NPAT: variants seen among roughly 807,000 people sequenced by gnomAD.
NPAT encodes nuclear protein, coactivator of histone transcription, also known as protein NPAT.
NPAT carries 52 observed loss-of-function variants against 130.7 expected under a neutral mutation model. That is an observed-to-expected ratio of 0.40 (90% CI 0.32 to 0.50). The LOEUF (loss-of-function observed/expected upper bound fraction) is 0.50, where lower values mean the gene tolerates loss of function less well. NPAT is among the 20% of genes least tolerant of loss of function. The pLI, the probability that NPAT is intolerant of heterozygous loss-of-function variation, is 0.68. For missense variants in NPAT, 1,687 were observed against 1,662.6 expected (o/e 1.01, Z -0.26); for synonymous variants, 580 against 584.8 (o/e 0.99, Z 0.12).
chr11:108,169,889 A>G, intron 14 of NPAT, 37 bp from the exon 15 acceptor site: 1 of 1,609,800 alleles, frequency 6.2e-7, no homozygotes, highest in South Asian at 1.1e-5. Flanking sequence ...ACTAAGCTTG[A>G]AAAGCATCAC....
intron 1 of NPAT, among the ~76,000 whole-genome samples, chr11:108,204,686 C>T (rs1288121569): frequency 2.0e-5 from 3 of 152,220 alleles, no homozygotes; most frequent in East Asian, 3.9e-4. Context: ...GCCCAGGAGC[C>T]GCAAGCCAGA....
At chr11:108,185,924 T>C (rs549409511) in intron 8 of NPAT, among the ~76,000 whole-genome samples, 1 of 152,262 alleles carries the variant, frequency 6.6e-6, no homozygotes, top group East Asian at 1.9e-4. Context: ...GTAGAGACAG[T>C]TGTCCAGGCT....
At chr11:108,221,530 A>G (rs1431281261) in intron 1 of NPAT, among the ~76,000 whole-genome samples, 2 of 152,266 alleles carry the variant, frequency 1.3e-5, no homozygotes, top group Non-Finnish European at 2.9e-5. Context: ...CCCTGCGCAA[A>G]TAACATTTTT....
intron 8 of NPAT, among the ~76,000 whole-genome samples, chr11:108,185,981 A>C (rs7395528): frequency 0.53 from 81,093 of 151,738 alleles, 22,354 homozygotes; most frequent in Middle Eastern, 0.73. Flanking sequence ...TTGGCCTCTC[A>C]AAGTGCTGGG....
intron 3 of NPAT, 23 bp downstream of exon 3, chr11:108,193,934 A>C (rs1003288513): frequency 4.1e-6 from 6 of 1,460,460 alleles, no homozygotes; most frequent in Non-Finnish European, 5.8e-6. Context: ...ATCAGCAAAA[A>C]AACTCCAAAT....
intron 17 of NPAT, 105 bp downstream of exon 17, chr11:108,160,775 A>G: frequency 1.0e-6 from 1 of 985,138 alleles, no homozygotes; most frequent in Admixed American, 2.1e-5. Flanking sequence ...AAGCTGTCTT[A>G]GCCATAACGT....
intron 13 of NPAT, chr11:108,170,987 A>T (rs528819964): frequency 6.6e-6 from 1 of 152,204 alleles, no homozygotes; most frequent in Non-Finnish European, 1.5e-5. Context: ...CACATAAGGA[A>T]ATGTAAATAA....
At chr11:108,214,634 T>A (rs1257219269) in intron 1 of NPAT, among the ~76,000 whole-genome samples, 9 of 150,142 alleles carry the variant, frequency 6.0e-5, no homozygotes, top group South Asian at 2.1e-4. Context: ...GATTCCAATT[T>A]TTTTTTTTTT....
intron 15 of NPAT, 114 bp from the exon 16 acceptor site, chr11:108,162,294 A>C (rs932531393): frequency 3.5e-6 from 3 of 865,518 alleles, no homozygotes; most frequent in Non-Finnish European, 5.6e-6. Context: ...TAGCTAATGT[A>C]CACACAAATA....
rs1467298546 is a variant in NPAT at position 108,189,822 on chromosome 11, A to T, written c.332-492T>A. On this transcript the variant is annotated intron_variant, in intron 5 of 17. Coordinates refer to ENST00000278612, the MANE Select transcript of NPAT (RefSeq NM_002519.3). ...GAGGCGGAGCTTGCAGTGAGCCGAG[A>T]TCGCGCCACTGCACTCCAGCCTGGG... Among the ~76,000 whole-genome samples the T allele has an allele frequency of 6.0e-5, 9 of 148,932 alleles. No homozygotes were observed. The East Asian group carries it at 1.8e-3, about 30-fold the overall frequency.
intron 15 of NPAT, among the ~76,000 whole-genome samples, chr11:108,164,391 A>G (rs2077881139): frequency 6.6e-6 from 1 of 152,232 alleles, no homozygotes; most frequent in African/African-American, 2.4e-5. Flanking sequence ...CAAGGGCTAT[A>G]GAGTAGCTAG....
In NPAT at chr11:108,172,875, T is replaced by C. The variant is rs763041465; in HGVS notation, c.2109A>G (p.Pro703=). The C allele has an allele frequency of 6.2e-7, 1 of 1,613,986 alleles. No individual in the cohort carries two copies. The highest frequency in any genetic ancestry group is 1.3e-5 in the African/African-American group (1 of 74,940). Residue 703 remains proline, a synonymous_variant, in exon 13 of 18, where the codon CCA becomes CCG. Transcript: ENST00000278612. ...TPVENSHSLP[P]ESVCSSVGDS... The stretch of plus-strand genomic sequence containing the variant: ...CTCCCACTGAAGAACACACAGATTC[T>C]GGAGGAAGAGAGTGACTGTTTTCTA...
chr11:108,198,853 T>C (rs1299541121), intron 1 of NPAT, among the ~76,000 whole-genome samples: 11 of 152,184 alleles, frequency 7.2e-5, no homozygotes, highest in East Asian at 1.9e-4. Flanking sequence ...CTCTTCCACC[T>C]TGCTCACTCC....
At chr11:108,219,516 A>G (rs1282703126) in intron 1 of NPAT, among the ~76,000 whole-genome samples, 1 of 152,224 alleles carries the variant, frequency 6.6e-6, no homozygotes, top group Non-Finnish European at 1.5e-5. Flanking sequence ...TACAGAAGGT[A>G]ACAAATCTAT....
intron 10 of NPAT, among the ~76,000 whole-genome samples, chr11:108,177,722 T>C (rs950849745): frequency 3.9e-5 from 6 of 152,014 alleles, no homozygotes; most frequent in Non-Finnish European, 7.4e-5. Context: ...AAGTTCCCTT[T>C]TTTTTTGTTT....
intron 1 of NPAT, among the ~76,000 whole-genome samples, chr11:108,211,163 C>T (rs1187490292): frequency 1.3e-5 from 2 of 151,820 alleles, no homozygotes; most frequent in African/African-American, 4.8e-5. Context: ...TTGCAGTGAG[C>T]CGAGATCGCG....
At chr11:108,189,812 G>C (rs1354201983) in intron 5 of NPAT, among the ~76,000 whole-genome samples, 2 of 149,682 alleles carry the variant, frequency 1.3e-5, no homozygotes, top group South Asian at 2.1e-4. Context: ...GGAGCTTGCA[G>C]TGAGCCGAGA....
At position 108,160,907 on chromosome 11, in the gene NPAT, T is replaced by A. The variant is rs1429071066; in HGVS notation, c.4179A>T (p.Ser1393=). The A allele has an allele frequency of 6.2e-7, 1 of 1,614,014 alleles. No individual in the cohort carries two copies. Among genetic ancestry groups the A allele is most frequent in the East Asian group, 2.2e-5 (1 of 44,886 alleles). Residue 1393 remains serine (S), a synonymous_variant, in exon 17 of 18, where the codon TCA becomes TCT. Transcript: ENST00000278612. ...RPSSKNLTNS[S]IPMKKKKIKK... is the part of the protein sequence containing the mutation. ...TAATTTTCTTCTTTTTCATTGGTAT[T>A]GATGAATTTGTAAGATTTTTACTAG...
chr11:108,169,900 C>CA (rs755117539), intron 14 of NPAT, 28 bp downstream of exon 14: 5 of 1,608,224 alleles, frequency 3.1e-6, no homozygotes, highest in Middle Eastern at 1.7e-4. Flanking sequence ...AAAGCATCAC[C>CA]ACACCATTTT....
Sources: allele counts gnomAD v4.1 joint callset (sites outside exome capture counted in the v4.1 genomes callset), GRCh38; gene constraint gnomAD v4.1.1; transcripts MANE v1.5; gene names NCBI Gene and HGNC (gene_info 2026-07-23, HGNC 2026-07-21).